Variants in LUC7L2 observed in about 807,000 individuals in gnomAD.
The protein encoded by LUC7L2 is LUC7 like 2, pre-mRNA splicing factor, also known as putative RNA-binding protein Luc7-like 2.
In LUC7L2, 25 loss-of-function variants were observed where a neutral mutation model predicts 52.8. The ratio of observed to expected loss-of-function variants is 0.47; its 90% CI spans 0.34 to 0.66. LUC7L2 has a LOEUF of 0.66. Ranked by LOEUF, LUC7L2 falls within the 30% of genes least tolerant of loss-of-function variation. The pLI, the probability that LUC7L2 is intolerant of heterozygous loss-of-function variation, is 0.01. For synonymous variants in LUC7L2, 144 were observed against 160.9 expected (o/e 0.89, Z 0.80); for missense variants, 328 against 497.8 (o/e 0.66, Z 3.25).
At chr7:139,343,926 C>A (rs10262050) in intron 1 of LUC7L2, among the ~76,000 whole-genome samples, 54,131 of 104,082 alleles carry the variant, frequency 0.52, 14,446 homozygotes, top group African/African-American at 0.8. Flanking sequence ...ACCCTGTCCC[C>A]AAAAAAAAAA....
chr7:139,417,837 T>A, intron 9 of LUC7L2, 108 bp downstream of exon 9: 2 of 1,405,804 alleles, frequency 1.4e-6, no homozygotes, highest in Non-Finnish European at 1.9e-6. Context: ...TTTGAAACTT[T>A]TGCATCTGGT....
intron 6 of LUC7L2, 70 bp from the exon 7 acceptor site, chr7:139,409,493 T>G: frequency 6.6e-7 from 1 of 1,509,480 alleles, no homozygotes; most frequent in Non-Finnish European, 8.9e-7. Flanking sequence ...CCAGATAATA[T>G]AAAGTTTAGG....
intron 2 of LUC7L2, among the ~76,000 whole-genome samples, chr7:139,381,498 C>T (rs7792523): frequency 0.38 from 58,101 of 151,360 alleles, 15,568 homozygotes; most frequent in African/African-American, 0.77. Context: ...CAACCTCTGC[C>T]TCCTGGGATC....
chr7:139,419,098 A>G (rs1795761342), intron 9 of LUC7L2, among the ~76,000 whole-genome samples: 1 of 151,296 alleles, frequency 6.6e-6, no homozygotes, highest in African/African-American at 2.4e-5. Flanking sequence ...TGACAGAGCG[A>G]GACTCCAGCT....
chr7:139,371,497 C>T (rs889115124), intron 1 of LUC7L2: 77 of 1,547,198 alleles, frequency 5.0e-5, no homozygotes, highest in Non-Finnish European at 6.5e-5. Flanking sequence ...TAAAATAGCA[C>T]CTAAATCTAT....
chr7:139,360,167 C>A lies in LUC7L2; in HGVS notation c.-95C>A. On this transcript the variant is annotated 5_prime_UTR_variant, in exon 1 of 10. Transcript: ENST00000354926. ...GAGGCGGCGGCGGCCACCGAGACAG[C>A]AGCGCACCTTCCCCCATCCCTTCCC... 1 of 950,856 alleles carries A rather than the reference C, an allele frequency of 1.1e-6. No individual in the cohort carries two copies. Among genetic ancestry groups the A allele is most frequent in the Non-Finnish European group, 1.6e-6 (1 of 639,928 alleles). 58.9% of individuals were successfully genotyped at this position (950,856 alleles called of 1,614,324 possible).
chr7:139,402,906 G>A (rs943977803), intron 4 of LUC7L2, among the ~76,000 whole-genome samples: 1 of 152,120 alleles, frequency 6.6e-6, no homozygotes, highest in South Asian at 2.1e-4. Flanking sequence ...ACTCCCTCAT[G>A]TTACCCCTTT....
intron 2 of LUC7L2, among the ~76,000 whole-genome samples, chr7:139,389,317 C>T (rs1046467055): frequency 2.6e-5 from 4 of 152,154 alleles, no homozygotes; most frequent in Non-Finnish European, 5.9e-5. Context: ...TTTTCAGACT[C>T]TTTCACCATC....
At chr7:139,345,075 A>T in intron 1 of LUC7L2, 1 of 159,476 alleles carries the variant, frequency 6.3e-6, no homozygotes, top group South Asian at 1.7e-4. Context: ...ACAGAAATAT[A>T]AATAAAGCAG....
intron 2 of LUC7L2, among the ~76,000 whole-genome samples, chr7:139,380,429 C>G (rs1800950690): frequency 6.6e-6 from 1 of 151,794 alleles, no homozygotes; most frequent in Non-Finnish European, 1.5e-5. Flanking sequence ...GAAATCCTGT[C>G]TCTGCTAAAA....
chr7:139,341,595 A>G (rs1798968768), intron 1 of LUC7L2: 1 of 1,561,364 alleles, frequency 6.4e-7, no homozygotes, highest in South Asian at 1.2e-5. Context: ...TAGGGTGGGG[A>G]GCACGGTGTT....
chr7:139,389,908 T>A (rs1232748564), intron 2 of LUC7L2, among the ~76,000 whole-genome samples: 1 of 152,136 alleles, frequency 6.6e-6, no homozygotes, highest in African/African-American at 2.4e-5. Context: ...AATCCTGAAG[T>A]ACTTGAGAAA....
intron 2 of LUC7L2, among the ~76,000 whole-genome samples, chr7:139,386,853 T>A (rs1794224161): frequency 6.6e-6 from 1 of 152,156 alleles, no homozygotes; most frequent in South Asian, 2.1e-4. Context: ...TAGAGCTTTT[T>A]TTTGAGACAG....
intron 2 of LUC7L2, among the ~76,000 whole-genome samples, chr7:139,377,902 C>G (rs545428902): frequency 2.7e-5 from 4 of 150,488 alleles, no homozygotes; most frequent in African/African-American, 9.8e-5. Flanking sequence ...ACTGCAGCCT[C>G]CACCTCCCGG....
intron 1 of LUC7L2, chr7:139,371,513 T>G (rs1283357433): frequency 6.5e-7 from 1 of 1,546,676 alleles, no homozygotes; most frequent in Non-Finnish European, 8.7e-7. Flanking sequence ...TCTATGAAAG[T>G]TGATTTGGTT....
chr7:139,360,258 C>T lies in LUC7L2; in HGVS notation c.-4C>T, dbSNP rs547352670. On this transcript the variant is annotated 5_prime_UTR_variant, in exon 1 of 10. Coordinates refer to ENST00000354926, the MANE Select transcript of LUC7L2 (RefSeq NM_016019.5). The stretch of plus-strand genomic sequence containing the variant: ...CCCGCCCGTCCGCCCGCTACGCCGC[C>T]GCCATGTCGGCGCAGGCCCAGATGC... 214 of 1,556,160 alleles carry T rather than the reference C, an allele frequency of 1.4e-4. No individual in the cohort carries two copies. The African/African-American group carries it at 2.5e-3, about 18-fold the overall frequency.
intron 1 of LUC7L2, among the ~76,000 whole-genome samples, chr7:139,362,081 G>GT (rs1193560036): frequency 6.6e-6 from 1 of 151,350 alleles, no homozygotes; most frequent in African/African-American, 2.4e-5. Flanking sequence ...TCCACTTTGT[G>GT]TATTTTTTTA....
At chr7:139,419,096 C>G (rs577856373) in intron 9 of LUC7L2, among the ~76,000 whole-genome samples, 1 of 149,416 alleles carries the variant, frequency 6.7e-6, no homozygotes, top group South Asian at 2.1e-4. Context: ...GGTGACAGAG[C>G]GAGACTCCAG....
intron 9 of LUC7L2, among the ~76,000 whole-genome samples, chr7:139,420,244 C>G (rs1795832144): frequency 6.6e-6 from 1 of 152,168 alleles, no homozygotes; most frequent in African/African-American, 2.4e-5. Context: ...CGTTCTGTCA[C>G]CCAGGCTGGA....
Sources: gnomAD v4.1 joint callset for allele counts (sites outside exome capture counted in the v4.1 genomes callset) on GRCh38, gnomAD v4.1.1 for gene constraint, MANE v1.5 for transcripts, NCBI Gene and HGNC (gene_info 2026-07-23, HGNC 2026-07-21) for gene names.